Variants in TCF7L2 observed in about 807,000 individuals in gnomAD.
TCF7L2 encodes the protein transcription factor 7 like 2.
A neutral mutation model predicts 77.9 loss-of-function variants in TCF7L2; 23 were observed. That is an observed-to-expected ratio of 0.30 (90% CI 0.21 to 0.42). The LOEUF (loss-of-function observed/expected upper bound fraction) is 0.42, where lower values mean the gene tolerates loss of function less well. TCF7L2 is among the 10% of genes least tolerant of loss of function. The pLI is 1.00. For missense variants in TCF7L2, 654 were observed against 793.1 expected (o/e 0.82, Z 2.11); for synonymous variants, 413 against 340.2 (o/e 1.21, Z -2.36).
chr10:113,126,228 A>G (rs953743944), intron 5 of TCF7L2: 2 of 152,164 alleles, frequency 1.3e-5, no homozygotes, highest in African/African-American at 4.8e-5. Flanking sequence ...CCTCCAAAAA[A>G]AAGAATTCAG....
At chr10:113,158,436 G>T (rs548165806) in intron 12 of TCF7L2, among the ~76,000 whole-genome samples, 1 of 152,272 alleles carries the variant, frequency 6.6e-6, no homozygotes, top group East Asian at 1.9e-4. Context: ...GGGAGTAGGA[G>T]GGGGTGTGTG....
intron 3 of TCF7L2, chr10:112,952,001 G>GCTCTCTCTCC (rs2031719706): frequency 6.6e-6 from 1 of 152,242 alleles, no homozygotes. Context: ...CTCTTCCTTT[G>GCTCTCTCTCC]CTCTCTCTCC....
chr10:113,074,121 G>T (rs1178592570), intron 5 of TCF7L2, among the ~76,000 whole-genome samples: 1 of 152,202 alleles, frequency 6.6e-6, no homozygotes, highest in African/African-American at 2.4e-5. Flanking sequence ...GTTGAAGCTG[G>T]CACCTTTCTT....
chr10:113,001,497 A>G (rs1412260271), intron 4 of TCF7L2, among the ~76,000 whole-genome samples: 2 of 151,962 alleles, frequency 1.3e-5, no homozygotes, highest in African/African-American at 4.8e-5. Flanking sequence ...TTAGTGTTCA[A>G]TCATTAAGTG....
chr10:113,014,314 C>T (rs1264634977), intron 4 of TCF7L2, among the ~76,000 whole-genome samples: 1 of 152,204 alleles, frequency 6.6e-6, no homozygotes, highest in East Asian at 1.9e-4. Context: ...ATGAGAAGGT[C>T]ATCTGCTGCT....
chr10:112,999,057 C>G (rs1379076832), intron 4 of TCF7L2, among the ~76,000 whole-genome samples: 1 of 152,224 alleles, frequency 6.6e-6, no homozygotes, highest in African/African-American at 2.4e-5. Context: ...CATTCTGTCT[C>G]CCAGGCTGGA....
chr10:113,066,974 A>T (rs923239547), intron 5 of TCF7L2, among the ~76,000 whole-genome samples: 1 of 152,234 alleles, frequency 6.6e-6, no homozygotes, highest in Non-Finnish European at 1.5e-5. Flanking sequence ...AGGTTTCTTC[A>T]GAAGGCGATA....
intron 11 of TCF7L2, 76 bp downstream of exon 11, chr10:113,152,516 C>A: frequency 7.8e-7 from 1 of 1,275,328 alleles, no homozygotes; most frequent in Non-Finnish European, 1.1e-6. Flanking sequence ...GAGAACAGGA[C>A]CTGCCACTTG....
At chr10:113,008,592 A>G (rs930629768) in intron 4 of TCF7L2, among the ~76,000 whole-genome samples, 3 of 152,214 alleles carry the variant, frequency 2.0e-5, no homozygotes, top group Non-Finnish European at 2.9e-5. Flanking sequence ...TGATTCATTT[A>G]TTTAAACTCA....
At chr10:113,095,991 A>G (rs992367796) in intron 5 of TCF7L2, among the ~76,000 whole-genome samples, 2 of 152,152 alleles carry the variant, frequency 1.3e-5, no homozygotes, top group Non-Finnish European at 1.5e-5. Context: ...GGTGTGTGAC[A>G]TGTCATCCCC....
chr10:112,999,492 C>T (rs1309817225), intron 4 of TCF7L2, among the ~76,000 whole-genome samples: 1 of 152,182 alleles, frequency 6.6e-6, no homozygotes, highest in Admixed American at 6.5e-5. Context: ...TCTGCAGATA[C>T]CATCTCAATT....
Position 113,166,181 on chromosome 10 carries a change from A to T in TCF7L2, c.*209A>T. The T allele has an allele frequency of 2.2e-6, 1 of 446,782 alleles. No homozygotes were observed. The highest frequency in any genetic ancestry group is 3.7e-6 in the Non-Finnish European group (1 of 271,524). The allele number at this position is 446,782 out of a possible 1,614,324, so 27.7% of individuals were successfully genotyped here. On this transcript the variant is annotated 3_prime_UTR_variant, in exon 14 of 14. Coordinates refer to ENST00000627217, the MANE Select transcript of TCF7L2 (RefSeq NM_001146274.2). ...CTTTTAAATATGTAGATGAGAGAAG[A>T]ACCTCATGATTCTACCAAAATTTTT...
intron 4 of TCF7L2, among the ~76,000 whole-genome samples, chr10:112,973,537 A>G (rs566159455): frequency 6.6e-6 from 1 of 152,258 alleles, no homozygotes; most frequent in African/African-American, 2.4e-5. Flanking sequence ...TCTAATGCAC[A>G]CAGTCACACT....
chr10:113,144,100 C>CTGTGTGTGTGTG lies in TCF7L2; in HGVS notation c.788+101_788+112dup, dbSNP rs3830991. The CTGTGTGTGTGTG allele has an allele frequency of 4.3e-4, 284 of 653,430 alleles. 1 individual carries two copies. In the African/African-American group the frequency reaches 5.2e-3, roughly 12 times the overall value. The allele number at this position is 653,430 out of a possible 1,614,324, so 40.5% of individuals were successfully genotyped here. A position where few individuals can be genotyped will look rare whatever the true frequency, so the allele number is the denominator to read the frequency against. The stretch of plus-strand genomic sequence containing the variant: ...TTTATTATTTATTCTGTGTGTGTGT[C>CTGTGTGTGTGTG]TGTGTGTGTGTGTGTGTGTGTGTGT... On this transcript the variant is annotated intron_variant, in intron 7 of 13. Coordinates refer to ENST00000627217, the MANE Select transcript of TCF7L2 (RefSeq NM_001146274.2).
At chr10:113,117,911 C>T (rs905820515) in intron 5 of TCF7L2, among the ~76,000 whole-genome samples, 12 of 152,202 alleles carry the variant, frequency 7.9e-5, no homozygotes, top group Admixed American at 1.3e-4. Context: ...CGTCGCCTCC[C>T]TCCCTGGGAG....
At chr10:113,004,091 G>T (rs1002998300) in intron 4 of TCF7L2, among the ~76,000 whole-genome samples, 1 of 152,218 alleles carries the variant, frequency 6.6e-6, no homozygotes, top group South Asian at 2.1e-4. Context: ...AGTTAGTTTG[G>T]CTTTAATGAC....
At chr10:113,073,476 G>T (rs2058311913) in intron 5 of TCF7L2, among the ~76,000 whole-genome samples, 1 of 141,076 alleles carries the variant, frequency 7.1e-6, no homozygotes, top group South Asian at 2.3e-4. Context: ...GACTAGGCTG[G>T]GCAACAAAGC....
chr10:112,967,629 T>C (rs188975332), intron 4 of TCF7L2, among the ~76,000 whole-genome samples: 5 of 143,476 alleles, frequency 3.5e-5, no homozygotes, highest in Admixed American at 6.9e-5. Context: ...AGAAAGAAAA[T>C]TAAAAGTTTT....
At chr10:113,160,118 A>G (rs1323756458) in intron 12 of TCF7L2, 126 bp downstream of exon 14, 7 of 814,064 alleles carry the variant, frequency 8.6e-6, no homozygotes, top group African/African-American at 1.7e-5. Context: ...GGAGTGGGAC[A>G]CTGCCAAGTG....
Sources: allele counts gnomAD v4.1 joint callset (sites outside exome capture counted in the v4.1 genomes callset), GRCh38; gene constraint gnomAD v4.1.1; transcripts MANE v1.5; gene names NCBI Gene and HGNC (gene_info 2026-07-23, HGNC 2026-07-21).